The following ZNF420 variants were observed in gnomAD, a reference collection of about 807,000 sequenced individuals.
ZNF420 encodes the protein zinc finger protein 420.
A neutral mutation model predicts 44.7 loss-of-function variants in ZNF420; 31 were observed. The ratio of observed to expected loss-of-function variants is 0.69; its 90% CI spans 0.52 to 0.94. The LOEUF (loss-of-function observed/expected upper bound fraction) is 0.94. Ranked by LOEUF, ZNF420 falls within the 40% of genes least tolerant of loss-of-function variation. The pLI is 0.00. For missense variants in ZNF420, 681 were observed against 827.9 expected, an observed-to-expected ratio of 0.82 and a Z score of 2.18; for synonymous variants, 245 against 267.4, an observed-to-expected ratio of 0.92 and a Z score of 0.82.
At position 37,103,883 on chromosome 19, in the gene ZNF420, CTT is replaced by C. The variant is rs545929280; in HGVS notation, c.136+12763_136+12764del. Reference sequence around the variant, plus strand: ...CAAATATTTTGACACACATTTTCCTCTTGATATAGCTCCATTTCTTTGCTACT... The same window carrying C: ...CAAATATTTTGACACACATTTTCCTCGATATAGCTCCATTTCTTTGCTACT... On this transcript the variant is annotated intron_variant, in intron 4 of 4. Coordinates refer to ENST00000337995, the MANE Select transcript of ZNF420 (RefSeq NM_144689.5). 1.0e-3 allele frequency among the ~76,000 whole-genome samples: 155 copies of C among 152,038 alleles called. 1 individual carries two copies. Among genetic ancestry groups the C allele is most frequent in the African/African-American group, 3.0e-3 (126 of 41,500 alleles).
chr19:37,122,851 G>A (rs981930888), intron 4 of ZNF420, among the ~76,000 whole-genome samples: 3 of 151,996 alleles, frequency 2.0e-5, no homozygotes, highest in East Asian at 1.9e-4. Flanking sequence ...ATGTTATTTC[G>A]TGATGACTTT....
In ZNF420 at chr19:37,025,246, C is replaced by T. The variant is rs75448375; in HGVS notation, c.-125+17164C>T. 902 of 311,482 alleles carry T rather than the reference C, an allele frequency of 2.9e-3. 9 individuals are homozygous for T. Among genetic ancestry groups the T allele is most frequent in the African/African-American group, 0.017 (809 of 46,236 alleles). 19.3% of individuals were successfully genotyped at this position (311,482 alleles called of 1,614,324 possible). A position where few individuals can be genotyped will look rare whatever the true frequency, so the allele number is the denominator to read the frequency against. On this transcript the variant is annotated intron_variant, in intron 1 of 4. Coordinates refer to the ZNF420 transcript ENST00000587029. ...GGTTTTCTCAGCATCATCTCTTGTT[C>T]ATTGAACATGTATATGAGGCTGAAG...
At chr19:37,075,748 AAAACAAAAACAAAAACAAACAAAC>A (rs1459300452), upstream of ZNF420, among the ~76,000 whole-genome samples, 11 of 151,850 alleles carry the variant, frequency 7.2e-5, no homozygotes, top group Non-Finnish European at 1.0e-4. Context: ...TCTCAAAACA[AAAACAAAAACAAAAACAAACAAAC>A]AAACAAAAAC....
At chr19:37,012,258 G>A (rs1221610048) in intron 1 of ZNF420, among the ~76,000 whole-genome samples, 4 of 152,186 alleles carry the variant, frequency 2.6e-5, no homozygotes, top group Non-Finnish European at 5.9e-5. Context: ...TCCTACCGCC[G>A]CGCCGCCGCC....
intron 4 of ZNF420, among the ~76,000 whole-genome samples, chr19:37,125,170 A>G (rs1398676438): frequency 6.6e-6 from 1 of 152,032 alleles, no homozygotes; most frequent in Non-Finnish European, 1.5e-5. Flanking sequence ...CCAACATTCC[A>G]TGAGATTATA....
chr19:37,034,251 C>A (rs1316073684), intron 1 of ZNF420, among the ~76,000 whole-genome samples: 3 of 152,054 alleles, frequency 2.0e-5, no homozygotes, highest in African/African-American at 7.2e-5. Context: ...TTTTGATTTG[C>A]ATTTCCTTAG....
intron 4 of ZNF420, among the ~76,000 whole-genome samples, chr19:37,116,837 C>T (rs1019829503): frequency 1.5e-4 from 23 of 152,204 alleles, no homozygotes; most frequent in African/African-American, 5.5e-4. Flanking sequence ...GTCCTATGCC[C>T]ATGGAGTCTC....
chr19:37,087,739 G>A (rs1568447281), intron 2 of ZNF420, among the ~76,000 whole-genome samples: 1 of 152,112 alleles, frequency 6.6e-6, no homozygotes, highest in South Asian at 2.1e-4. Context: ...TCCGCCTCCC[G>A]GGTTCACACC....
intron 1 of ZNF420, chr19:37,008,167 C>T: frequency 3.3e-6 from 1 of 304,880 alleles, no homozygotes; most frequent in Non-Finnish European, 6.1e-6. Context: ...ACCCGAGGGT[C>T]GTTCTCACAG....
chr19:37,019,852 GT>G (rs553594878), intron 1 of ZNF420, among the ~76,000 whole-genome samples: 5 of 152,196 alleles, frequency 3.3e-5, no homozygotes, highest in African/African-American at 9.6e-5. Context: ...ACTGAAAGCA[GT>G]TTCAAAGAGA....
In ZNF420 at chr19:37,039,283, C is replaced by T. The variant is rs571333331; in HGVS notation, c.-125+31201C>T. On this transcript the variant is annotated intron_variant, in intron 1 of 4. Transcript: ENST00000587029. ...CTTTGCTGAGATCCATCAAAGGAAT[C>T]ATGATCTATGGCAGCAACAGGCTTA... Among the ~76,000 whole-genome samples, 9 of 152,328 alleles carry T rather than the reference C, an allele frequency of 5.9e-5. No homozygotes were observed. In the East Asian group the frequency reaches 1.5e-3, roughly 26 times the overall value.
At chr19:37,115,194 C>T (rs777625526) in intron 4 of ZNF420, 6 of 167,958 alleles carry the variant, frequency 3.6e-5, no homozygotes, top group South Asian at 1.8e-4. Flanking sequence ...GTTGGACACC[C>T]GATGAAGGAG....
At chr19:37,052,490 T>C (rs3955472) in intron 1 of ZNF420, among the ~76,000 whole-genome samples, 77,417 of 151,944 alleles carry the variant, frequency 0.51, 20,282 homozygotes, top group African/African-American at 0.58. Flanking sequence ...GTTTTTGCAG[T>C]GGCTGGTACC....
intron 1 of ZNF420, among the ~76,000 whole-genome samples, chr19:37,016,188 C>T (rs1822071061): frequency 6.6e-6 from 1 of 152,212 alleles, no homozygotes; most frequent in South Asian, 2.1e-4. Context: ...CCATGGCTGG[C>T]CTTTGCCTTC....
intron 1 of ZNF420, among the ~76,000 whole-genome samples, chr19:37,029,302 G>A (rs2562605): frequency 0.56 from 85,053 of 152,000 alleles, 25,322 homozygotes; most frequent in African/African-American, 0.75. Context: ...TGCATCTAGA[G>A]TCATGAGGAA....
At chr19:37,106,845 A>G (rs562537726) in intron 4 of ZNF420, 1 of 152,278 alleles carries the variant, frequency 6.6e-6, no homozygotes, top group South Asian at 2.1e-4. Context: ...GTGGCAGGAC[A>G]ATAGGGTAAT....
intron 1 of ZNF420, among the ~76,000 whole-genome samples, chr19:37,044,691 C>T (rs1967513813): frequency 1.3e-5 from 2 of 152,004 alleles, no homozygotes; most frequent in South Asian, 4.2e-4. Context: ...CATGGTGAAA[C>T]CCCATCTCTA....
intron 3 of ZNF420, 76 bp downstream of exon 3, chr19:37,089,203 GA>G: frequency 7.7e-7 from 1 of 1,296,038 alleles, no homozygotes; most frequent in South Asian, 1.2e-5. Flanking sequence ...CCTTACTCCT[GA>G]AACTTCATTC....
intron 1 of ZNF420, among the ~76,000 whole-genome samples, chr19:37,033,536 G>T (rs1390958814): frequency 6.6e-6 from 1 of 152,174 alleles, no homozygotes; most frequent in Admixed American, 6.5e-5. Flanking sequence ...GCATCAGAAT[G>T]TCCCTTTTTA....
Sources: gnomAD v4.1 joint callset for allele counts (sites outside exome capture counted in the v4.1 genomes callset) on GRCh38, gnomAD v4.1.1 for gene constraint, MANE v1.5 for transcripts, NCBI Gene and HGNC (gene_info 2026-07-23, HGNC 2026-07-21) for gene names.